SP100: variants seen among roughly 807,000 people sequenced by gnomAD.
SP100 encodes SP100 nuclear body protein, also known as nuclear autoantigen Sp-100.
A neutral mutation model predicts 130.0 loss-of-function variants in SP100; 84 were observed. The observed-to-expected ratio is 0.65, with a 90% CI of 0.54 to 0.77. The LOEUF is 0.77. SP100 is among the 30% of genes least tolerant of loss of function. The pLI is 0.00. For missense variants in SP100, 978 were observed against 1,052.2 expected (o/e 0.93, Z 0.97); for synonymous variants, 331 against 351.7 (o/e 0.94, Z 0.66).
At chr2:230,488,197 C>CCCTGAACTTCCAATACTGAA (rs2066209540) in intron 17 of SP100, among the ~76,000 whole-genome samples, 1 of 152,132 alleles carries the variant, frequency 6.6e-6, no homozygotes, top group Non-Finnish European at 1.5e-5. Context: ...TGCCTGATTG[C>CCCTGAACTTCCAATACTGAA]CCTGGCCAGA....
At chr2:230,464,608 T>C (rs2396759) in intron 11 of SP100, among the ~76,000 whole-genome samples, 42,466 of 141,322 alleles carry the variant, frequency 0.3, 6,254 homozygotes, top group South Asian at 0.51. Flanking sequence ...TAATTATTAA[T>C]GGCAAAAAAA....
At chr2:230,489,579 C>G (rs2066287588) in intron 17 of SP100, among the ~76,000 whole-genome samples, 1 of 151,866 alleles carries the variant, frequency 6.6e-6, no homozygotes, top group Admixed American at 6.6e-5. Context: ...TTGCTCTTGT[C>G]TCTCTGGCTC....
chr2:230,515,510 G>A (rs762687505), intron 24 of SP100: 19 of 1,609,956 alleles, frequency 1.2e-5, no homozygotes, highest in Middle Eastern at 1.7e-4. Context: ...GCTGCATATC[G>A]AGCTAAAGGA....
chr2:230,503,593 A>G (rs1024434550), intron 20 of SP100, among the ~76,000 whole-genome samples: 1 of 152,200 alleles, frequency 6.6e-6, no homozygotes, highest in African/African-American at 2.4e-5. Context: ...ATCTAACTGT[A>G]TATCTGAATG....
At chr2:230,501,341 T>C (rs2067010700) in intron 19 of SP100, among the ~76,000 whole-genome samples, 1 of 152,204 alleles carries the variant, frequency 6.6e-6, no homozygotes. Context: ...CTCCTCCCCA[T>C]GTATCTCCAT....
intron 10 of SP100, 90 bp from the exon 11 acceptor site, chr2:230,463,977 T>C: frequency 1.2e-6 from 1 of 864,144 alleles, no homozygotes; most frequent in Non-Finnish European, 1.9e-6. Context: ...TTTTCAAGGT[T>C]TTCCAGGTTT....
At chr2:230,438,980 G>A (rs950714659) in intron 2 of SP100, among the ~76,000 whole-genome samples, 5 of 152,098 alleles carry the variant, frequency 3.3e-5, no homozygotes, top group African/African-American at 9.7e-5. Context: ...CAGTGTAAAA[G>A]TGTTCCCTTT....
intron 24 of SP100, chr2:230,515,664 C>A (rs767527624): frequency 5.0e-6 from 8 of 1,584,948 alleles, no homozygotes; most frequent in Non-Finnish European, 6.8e-6. Context: ...CAGTTTTTTT[C>A]TTGTCTATAA....
chr2:230,487,007 A>G (rs1225895778), intron 17 of SP100, among the ~76,000 whole-genome samples: 1 of 152,024 alleles, frequency 6.6e-6, no homozygotes, highest in African/African-American at 2.4e-5. Flanking sequence ...TCCTTTGTCC[A>G]CTTTTTGATG....
intron 13 of SP100, 50 bp downstream of exon 13, chr2:230,467,265 C>G (rs1184447908): frequency 7.9e-7 from 1 of 1,267,262 alleles, no homozygotes; most frequent in Non-Finnish European, 1.2e-6. Flanking sequence ...AGCACCTCTT[C>G]CCTGATGCAC....
At chr2:230,459,977 G>A (rs184605171) in intron 8 of SP100, among the ~76,000 whole-genome samples, 3 of 152,260 alleles carry the variant, frequency 2.0e-5, no homozygotes, top group East Asian at 3.9e-4. Flanking sequence ...CCCACCTCTC[G>A]CCCTTTCATG....
At chr2:230,428,451 T>C (rs532323851) in intron 2 of SP100, among the ~76,000 whole-genome samples, 1 of 151,002 alleles carries the variant, frequency 6.6e-6, no homozygotes, top group South Asian at 2.1e-4. Context: ...ACACACTTTT[T>C]TTTTTTTTTG....
intron 24 of SP100, among the ~76,000 whole-genome samples, chr2:230,514,685 A>G (rs982966323): frequency 1.1e-4 from 16 of 152,236 alleles, no homozygotes; most frequent in Non-Finnish European, 1.0e-4. Flanking sequence ...GTGATTGTCC[A>G]TATAGACTCC....
At chr2:230,492,837 G>GA (rs2066461549) in intron 17 of SP100, among the ~76,000 whole-genome samples, 1 of 152,142 alleles carries the variant, frequency 6.6e-6, no homozygotes, top group East Asian at 1.9e-4. Context: ...ATTTATACCT[G>GA]AAAAATAGTT....
At position 230,536,174 on chromosome 2, in the gene SP100, G is replaced by C. The variant is rs1243799959; in HGVS notation, c.2095-3093G>C. 2.6e-5 allele frequency among the ~76,000 whole-genome samples: 4 copies of C among 152,114 alleles called. No individual in the cohort carries two copies. In the East Asian group the frequency reaches 7.7e-4, roughly 29 times the overall value. On this transcript the variant is annotated intron_variant, in intron 24 of 28. Transcript: ENST00000340126. The stretch of plus-strand genomic sequence containing the variant: ...TTTAGTGGAAGTGGGAGACTGGAGA[G>C]AAAAAGAGTGTGTTTCAGAAGAAAC...
intron 2 of SP100, among the ~76,000 whole-genome samples, chr2:230,430,953 C>T (rs1169161474): frequency 6.6e-6 from 1 of 152,218 alleles, no homozygotes; most frequent in Non-Finnish European, 1.5e-5. Context: ...TGAGGCTGGG[C>T]AGAATTTCTT....
intron 24 of SP100, chr2:230,515,593 G>A (rs1439174651): frequency 3.7e-6 from 6 of 1,602,862 alleles, no homozygotes; most frequent in Admixed American, 3.4e-5. Context: ...GGAAGAAGAT[G>A]AAGAGGATGA....
chr2:230,540,463 C>T (rs774101646), intron 25 of SP100, among the ~76,000 whole-genome samples: 2 of 152,198 alleles, frequency 1.3e-5, no homozygotes, highest in Non-Finnish European at 2.9e-5. Flanking sequence ...TCTGCTTACT[C>T]AGCAAAGTTG....
At chr2:230,425,487 T>G (rs1038145118) in intron 2 of SP100, among the ~76,000 whole-genome samples, 37 of 152,230 alleles carry the variant, frequency 2.4e-4, no homozygotes, top group African/African-American at 8.9e-4. Flanking sequence ...AGTTTTCAAA[T>G]CCTTTTTCTG....
Sources: gnomAD v4.1 joint callset for allele counts (sites outside exome capture counted in the v4.1 genomes callset) on GRCh38, gnomAD v4.1.1 for gene constraint, MANE v1.5 for transcripts, NCBI Gene and HGNC (gene_info 2026-07-23, HGNC 2026-07-21) for gene names.